Variants in DYRK1A observed in about 807,000 individuals in gnomAD.
DYRK1A encodes the protein dual specificity tyrosine phosphorylation regulated kinase 1A.
Under a neutral mutation model 79.7 loss-of-function variants are expected in DYRK1A, and 9 were observed. That is an observed-to-expected ratio of 0.11 (90% CI 0.07 to 0.20). The LOEUF is 0.20. Ranked by LOEUF, DYRK1A falls within the 10% of genes least tolerant of loss-of-function variation. The probability of loss-of-function intolerance (pLI) is 1.00; values close to 1 mark genes in which losing one functional copy is unlikely to be tolerated. For synonymous variants in DYRK1A, 349 were observed against 329.7 expected (o/e 1.06, Z -0.63); for missense variants, 622 against 956.0 (o/e 0.65, Z 4.61).
In DYRK1A at chr21:37,519,736, G is replaced by GTTTTTTTTGTTTTTTGTT. The variant is rs58947386; in HGVS notation, c.*7213_*7214insGTTTTTTGTTTTTTTTTT. ...AGAGTTTTGAGGTTTGTTGTGGGAA[G>GTTTTTTTTGTTTTTTGTT]TTTTTTTTTTTTTTTTTTTTTTTGA... On this transcript the variant is annotated 3_prime_UTR_variant, in exon 12 of 12. Coordinates refer to ENST00000647188, the MANE Select transcript of DYRK1A (RefSeq NM_001347721.2). 1 of 85,802 alleles carries GTTTTTTTTGTTTTTTGTT rather than the reference G, an allele frequency of 1.2e-5. No individual in the cohort carries two copies. Among genetic ancestry groups the GTTTTTTTTGTTTTTTGTT allele is most frequent in the African/African-American group, 4.9e-5 (1 of 20,580 alleles). The allele number at this position is 85,802 out of a possible 1,614,324, so 5.3% of individuals were successfully genotyped here. A position where few individuals can be genotyped will look rare whatever the true frequency, so the allele number is the denominator to read the frequency against.
At chr21:37,481,075 TA>T in intron 5 of DYRK1A, 1 of 395,628 alleles carries the variant, frequency 2.5e-6, no homozygotes, top group South Asian at 4.5e-5. Flanking sequence ...TGGTGAATTT[TA>T]ATCACTTAAT....
Position 37,517,959 on chromosome 21 carries a change from T to C in DYRK1A, c.*5428T>C, listed in dbSNP as rs2053897709. On this transcript the variant is annotated 3_prime_UTR_variant, in exon 12 of 12. Transcript: ENST00000647188. ...CGCAAGCTGGAGTTTGGTGGTGTGA[T>C]TGCAGCTCACTGCAGCCTTAAACAA... 1 of 152,192 alleles carries C rather than the reference T, an allele frequency of 6.6e-6. No homozygotes were observed. Among genetic ancestry groups the C allele is most frequent in the Non-Finnish European group, 1.5e-5 (1 of 68,046 alleles). 9.4% of individuals were successfully genotyped at this position (152,192 alleles called of 1,614,324 possible).
intron 8 of DYRK1A, among the ~76,000 whole-genome samples, chr21:37,493,645 A>G (rs939243240): frequency 6.6e-6 from 1 of 152,206 alleles, no homozygotes; most frequent in African/African-American, 2.4e-5. Flanking sequence ...ACAGGTTTTC[A>G]GTCTGTGTTC....
intron 2 of DYRK1A, among the ~76,000 whole-genome samples, chr21:37,460,600 T>G (rs916049009): frequency 2.6e-5 from 4 of 152,334 alleles, no homozygotes; most frequent in African/African-American, 7.2e-5. Flanking sequence ...TTACCTGTCT[T>G]TTGTTTCCAA....
intron 2 of DYRK1A, among the ~76,000 whole-genome samples, chr21:37,455,336 T>TC (rs1398138998): frequency 1.3e-5 from 2 of 152,210 alleles, no homozygotes; most frequent in African/African-American, 4.8e-5. Context: ...TACCCTTTTT[T>TC]CTTACTATTT....
chr21:37,454,813 C>T lies in DYRK1A; in HGVS notation c.11-17871C>T, dbSNP rs961130078. 7.2e-5 allele frequency among the ~76,000 whole-genome samples: 11 copies of T among 152,052 alleles called. No homozygotes were observed. In the South Asian group the frequency reaches 8.3e-4, roughly 11 times the overall value. On this transcript the variant is annotated intron_variant, in intron 2 of 11. Coordinates refer to ENST00000647188, the MANE Select transcript of DYRK1A (RefSeq NM_001347721.2). The stretch of plus-strand genomic sequence containing the variant: ...AGATGACTTAAAGAGGATTTAATGA[C>T]GACAAAGATGCTGATGTTAAAGATG...
In DYRK1A at chr21:37,501,166, G is replaced by GTT. The variant is rs34646709; in HGVS notation, c.1213-4095_1213-4094dup. On this transcript the variant is annotated intron_variant, in intron 9 of 11. Transcript: ENST00000647188. ...TTATATGTTTTTTTTGTTGTTGTTGGTTTTTTTTTTTTTTTTTTTTTTTAA... is the reference window on the plus strand; with the variant it reads ...TTATATGTTTTTTTTGTTGTTGTTGGTTTTTTTTTTTTTTTTTTTTTTTTTAA... 1.6e-3 allele frequency among the ~76,000 whole-genome samples: 148 copies of GTT among 93,922 alleles called. 2 individuals carry two copies. The highest frequency in any genetic ancestry group is 2.2e-3 in the African/African-American group (48 of 21,348). The allele number at this position is 93,922 out of a possible 152,430, so 61.6% of individuals were successfully genotyped here. A position where few individuals can be genotyped will look rare whatever the true frequency, so the allele number is the denominator to read the frequency against.
intron 11 of DYRK1A, among the ~76,000 whole-genome samples, chr21:37,511,501 G>T (rs1304610483): frequency 6.6e-6 from 1 of 152,196 alleles, no homozygotes; most frequent in Non-Finnish European, 1.5e-5. Context: ...GAGCAGCTAG[G>T]TAGATAGTAG....
At chr21:37,461,418 C>G (rs905413127) in intron 2 of DYRK1A, among the ~76,000 whole-genome samples, 1 of 152,120 alleles carries the variant, frequency 6.6e-6, no homozygotes, top group Admixed American at 6.5e-5. Flanking sequence ...AGTTGGCTTT[C>G]AAAAATATTA....
intron 11 of DYRK1A, among the ~76,000 whole-genome samples, chr21:37,509,191 C>T (rs2053683302): frequency 6.6e-6 from 1 of 152,096 alleles, no homozygotes; most frequent in Non-Finnish European, 1.5e-5. Context: ...TTTTTGTATA[C>T]TTTTTGAGAT....
At chr21:37,443,161 T>C (rs1231165633) in intron 2 of DYRK1A, among the ~76,000 whole-genome samples, 4 of 152,052 alleles carry the variant, frequency 2.6e-5, no homozygotes, top group African/African-American at 7.2e-5. Flanking sequence ...TTTTCCCCTT[T>C]CTTTTAGAGA....
chr21:37,491,692 G>A (rs185488463), intron 7 of DYRK1A, among the ~76,000 whole-genome samples: 108 of 152,302 alleles, frequency 7.1e-4, no homozygotes, highest in African/African-American at 2.3e-3. Flanking sequence ...AGAGATGCTC[G>A]TAGTTAATAT....
At chr21:37,491,523 G>T (rs983969635) in intron 7 of DYRK1A, among the ~76,000 whole-genome samples, 1 of 152,114 alleles carries the variant, frequency 6.6e-6, no homozygotes, top group Non-Finnish European at 1.5e-5. Flanking sequence ...AACTATAACA[G>T]ATTAATTTAA....
At chr21:37,405,953 C>A (rs1051988350) in intron 1 of DYRK1A, among the ~76,000 whole-genome samples, 1 of 151,026 alleles carries the variant, frequency 6.6e-6, no homozygotes, top group South Asian at 2.1e-4. Context: ...TATCAATAGG[C>A]GTAAATAAGT....
At chr21:37,429,689 A>G (rs73408665) in intron 2 of DYRK1A, among the ~76,000 whole-genome samples, 4,023 of 152,346 alleles carry the variant, frequency 0.026, 170 homozygotes, top group African/African-American at 0.091. Flanking sequence ...GTGTGGGGAC[A>G]CATATCCAAA....
At chr21:37,483,087 A>C (rs4468889) in intron 5 of DYRK1A, among the ~76,000 whole-genome samples, 135,086 of 152,158 alleles carry the variant, frequency 0.89, 60,262 homozygotes, top group East Asian at 1. Flanking sequence ...ACGAAAATGA[A>C]GGGATTAAGA....
rs561564191 is a variant in DYRK1A at position 37,425,196 on chromosome 21, T to C, written c.10+4812T>C. Among the ~76,000 whole-genome samples, 2 of 152,322 alleles carry C rather than the reference T, an allele frequency of 1.3e-5. 1 individual carries two copies. The highest frequency in any genetic ancestry group is 4.1e-4 in the South Asian group (2 of 4,822). On this transcript the variant is annotated intron_variant, in intron 2 of 11. Coordinates refer to ENST00000647188, the MANE Select transcript of DYRK1A (RefSeq NM_001347721.2). ...CTGAAGGTCAGGGGGTTAAGGCTTA[T>C]CCTCTTTGTGTGCCCTGTGACTGTC...
intron 1 of DYRK1A, among the ~76,000 whole-genome samples, chr21:37,391,363 G>A (rs1176381679): frequency 6.6e-6 from 1 of 152,140 alleles, no homozygotes; most frequent in South Asian, 2.1e-4. Context: ...AGTCTCCTAA[G>A]CCTGCCACTA....
chr21:37,417,099 T>C (rs2050356872), intron 1 of DYRK1A, among the ~76,000 whole-genome samples: 1 of 152,224 alleles, frequency 6.6e-6, no homozygotes, highest in Non-Finnish European at 1.5e-5. Context: ...CCATTTAGTT[T>C]ATTAGCTCCT....
Sources: allele counts gnomAD v4.1 joint callset (sites outside exome capture counted in the v4.1 genomes callset), GRCh38; gene constraint gnomAD v4.1.1; transcripts MANE v1.5; gene names NCBI Gene and HGNC (gene_info 2026-07-23, HGNC 2026-07-21).